Variants in TMTC1 observed in about 807,000 individuals in gnomAD.
The protein encoded by TMTC1 is transmembrane O-mannosyltransferase targeting cadherins 1.
In TMTC1, 73 loss-of-function variants were observed where a neutral mutation model predicts 104.8. The observed-to-expected ratio is 0.70, with a 90% CI of 0.58 to 0.85. The LOEUF is 0.85. Ranked by LOEUF, TMTC1 falls within the 40% of genes least tolerant of loss-of-function variation. The probability of loss-of-function intolerance (pLI) is 0.00; values close to 1 mark genes in which losing one functional copy is unlikely to be tolerated. For synonymous variants in TMTC1, 434 were observed against 428.7 expected, an observed-to-expected ratio of 1.01 and a Z score of -0.15; for missense variants, 1,035 against 1,096.1, an observed-to-expected ratio of 0.94 and a Z score of 0.79.
intron 5 of TMTC1, among the ~76,000 whole-genome samples, chr12:29,647,077 C>G (rs1939299173): frequency 6.6e-6 from 1 of 152,176 alleles, no homozygotes; most frequent in Non-Finnish European, 1.5e-5. Flanking sequence ...GGCTGGAGTA[C>G]AGTGGCGCAA....
chr12:29,519,414 G>A (rs1458812754), intron 12 of TMTC1: 2 of 152,160 alleles, frequency 1.3e-5, no homozygotes, highest in Non-Finnish European at 2.9e-5. Context: ...AAGGCCAGAA[G>A]CAGAATGAAG....
chr12:29,753,493 G>C (rs1943140850), intron 4 of TMTC1, among the ~76,000 whole-genome samples: 1 of 152,216 alleles, frequency 6.6e-6, no homozygotes, highest in Non-Finnish European at 1.5e-5. Flanking sequence ...GGCTGACTGT[G>C]GGGAGGATAC....
chr12:29,660,820 A>G (rs370310985), intron 5 of TMTC1: 1 of 1,479,780 alleles, frequency 6.8e-7, no homozygotes. Flanking sequence ...TAGGACCAAA[A>G]TGGCCCTTTT....
At chr12:29,608,239 C>A (rs1436413380) in intron 6 of TMTC1, among the ~76,000 whole-genome samples, 1 of 152,060 alleles carries the variant, frequency 6.6e-6, no homozygotes, top group Non-Finnish European at 1.5e-5. Context: ...AGGAGGGAAC[C>A]CGATTCTGTA....
chr12:29,657,232 T>C (rs1183680432), intron 5 of TMTC1, among the ~76,000 whole-genome samples: 3 of 152,164 alleles, frequency 2.0e-5, no homozygotes, highest in Non-Finnish European at 4.4e-5. Context: ...TATCCAAGAA[T>C]ATATGGCAAA....
At chr12:29,668,050 C>T (rs1295139340) in intron 5 of TMTC1, among the ~76,000 whole-genome samples, 1 of 152,206 alleles carries the variant, frequency 6.6e-6, no homozygotes, top group Non-Finnish European at 1.5e-5. Flanking sequence ...TAAAATAGAG[C>T]TGGTTTATTC....
chr12:29,710,788 A>G (rs1591959395), intron 5 of TMTC1, among the ~76,000 whole-genome samples: 1 of 115,874 alleles, frequency 8.6e-6, no homozygotes, highest in African/African-American at 3.2e-5. Flanking sequence ...TAATAAATAT[A>G]TTAATACATA....
chr12:29,709,225 G>A (rs2136829651), intron 5 of TMTC1, among the ~76,000 whole-genome samples: 1 of 152,306 alleles, frequency 6.6e-6, no homozygotes, highest in African/African-American at 2.4e-5. Context: ...GTGGGGTGAT[G>A]TTGTCAGACT....
At chr12:29,701,717 G>A (rs1298552761) in intron 5 of TMTC1, among the ~76,000 whole-genome samples, 1 of 152,194 alleles carries the variant, frequency 6.6e-6, no homozygotes, top group African/African-American at 2.4e-5. Flanking sequence ...GTAGCTACAG[G>A]CTACAGCAAT....
At chr12:29,518,338 T>C in intron 13 of TMTC1, 134 bp downstream of exon 13, 1 of 977,734 alleles carries the variant, frequency 1.0e-6, no homozygotes, top group Non-Finnish European at 1.5e-6. Context: ...TCTTTGGAGA[T>C]AAAAATTTGT....
chr12:29,609,518 C>G (rs1946788424), intron 6 of TMTC1, among the ~76,000 whole-genome samples: 1 of 152,202 alleles, frequency 6.6e-6, no homozygotes, highest in Non-Finnish European at 1.5e-5. Flanking sequence ...AACTGTCAGC[C>G]TCCACTTGAG....
chr12:29,624,714 A>C (rs191542341), intron 6 of TMTC1, among the ~76,000 whole-genome samples: 1 of 152,206 alleles, frequency 6.6e-6, no homozygotes, highest in Non-Finnish European at 1.5e-5. Flanking sequence ...ACCTCTTCGC[A>C]TCACCTAATA....
intron 5 of TMTC1, chr12:29,660,803 C>T (rs766708647): frequency 6.9e-6 from 9 of 1,299,162 alleles, no homozygotes; most frequent in South Asian, 1.6e-5. Context: ...TATATACTTA[C>T]ATAACTTAGG....
intron 6 of TMTC1, among the ~76,000 whole-genome samples, chr12:29,632,268 T>C (rs1182312158): frequency 1.4e-5 from 2 of 142,626 alleles, no homozygotes; most frequent in Non-Finnish European, 3.2e-5. Flanking sequence ...TCCAATGCAG[T>C]AGCAGTTTTT....
At chr12:29,712,566 G>A (rs1261372887) in intron 5 of TMTC1, among the ~76,000 whole-genome samples, 1 of 152,106 alleles carries the variant, frequency 6.6e-6, no homozygotes, top group East Asian at 1.9e-4. Context: ...AAGAAAATTA[G>A]TGAAAAGAAT....
chr12:29,617,554 G>C (rs920295904), intron 6 of TMTC1, among the ~76,000 whole-genome samples: 4 of 151,662 alleles, frequency 2.6e-5, no homozygotes, highest in Admixed American at 6.6e-5. Context: ...GAGAGAGAGA[G>C]AGAGAGAGAG....
chr12:29,581,293 A>T (rs933006579), intron 8 of TMTC1, among the ~76,000 whole-genome samples: 1 of 152,228 alleles, frequency 6.6e-6, no homozygotes, highest in South Asian at 2.1e-4. Flanking sequence ...AACAGTCTTA[A>T]TAGTCTTTTA....
intron 7 of TMTC1, among the ~76,000 whole-genome samples, chr12:29,584,911 T>A (rs1592273039): frequency 6.6e-6 from 1 of 150,806 alleles, no homozygotes; most frequent in Non-Finnish European, 1.5e-5. Flanking sequence ...CGTGTGCATG[T>A]GTCTTTATAG....
At chr12:29,593,236 A>C (rs1388511599) in intron 7 of TMTC1, among the ~76,000 whole-genome samples, 1 of 152,216 alleles carries the variant, frequency 6.6e-6, no homozygotes, top group East Asian at 1.9e-4. Context: ...TGCCAAACCC[A>C]CATCAAAGAA....
Sources: allele counts gnomAD v4.1 joint callset (sites outside exome capture counted in the v4.1 genomes callset), GRCh38; gene constraint gnomAD v4.1.1; transcripts MANE v1.5; gene names NCBI Gene and HGNC (gene_info 2026-07-23, HGNC 2026-07-21).